SCN1A: variants seen among roughly 807,000 people sequenced by gnomAD.
SCN1A encodes the protein sodium voltage-gated channel alpha subunit 1, also known as sodium channel protein type 1 subunit alpha.
Under a neutral mutation model 193.7 loss-of-function variants are expected in SCN1A, and 13 were observed. The ratio of observed to expected loss-of-function variants is 0.07; its 90% CI spans 0.04 to 0.11. SCN1A has a LOEUF of 0.11. Ranked by LOEUF, SCN1A falls within the 10% of genes least tolerant of loss-of-function variation. SCN1A has a pLI of 1.00. For synonymous variants in SCN1A, 781 were observed against 843.6 expected (o/e 0.93, Z 1.29); for missense variants, 1,432 against 2,451.1 (o/e 0.58, Z 8.78).
Position 166,030,269 on chromosome 2 carries a change from TA to T in SCN1A, c.3429+5778del, listed in dbSNP as rs1438655726. Among the ~76,000 whole-genome samples, 6 of 152,296 alleles carry T rather than the reference TA, an allele frequency of 3.9e-5. No individual in the cohort carries two copies. The South Asian group carries it at 6.2e-4, about 16-fold the overall frequency. ...AGTTTTCCTTTGTTCAAAATATGTTTATTTTTCTCATCTTAAGGCTGGAATA... is the reference window on the plus strand; with the variant it reads ...AGTTTTCCTTTGTTCAAAATATGTTTTTTTTCTCATCTTAAGGCTGGAATA... On this transcript the variant is annotated intron_variant, in intron 19 of 28. Transcript: ENST00000674923.
At chr2:166,098,253 A>C (rs537406295) in intron 2 of SCN1A, among the ~76,000 whole-genome samples, 3 of 152,174 alleles carry the variant, frequency 2.0e-5, no homozygotes, top group Non-Finnish European at 4.4e-5. Context: ...ACATAAACAG[A>C]ACTAAAAACA....
At chr2:166,002,385 T>C in intron 24 of SCN1A, 87 bp downstream of exon 24, 1 of 1,331,228 alleles carries the variant, frequency 7.5e-7, no homozygotes, top group Non-Finnish European at 1.0e-6. Context: ...ATATACTTTT[T>C]CTTAGGAACT....
At chr2:166,002,364 TAGAA>T (rs1691010020) in intron 24 of SCN1A, 104 bp downstream of exon 24, 1 of 1,208,468 alleles carries the variant, frequency 8.3e-7, no homozygotes, top group Non-Finnish European at 1.1e-6. Context: ...ATTTTTTAAA[TAGAA>T]AGAAATATAT....
At chr2:166,145,528 T>TTG (rs10659996) in intron 1 of SCN1A, among the ~76,000 whole-genome samples, 77,124 of 150,196 alleles carry the variant, frequency 0.51, 19,849 homozygotes, top group Middle Eastern at 0.61. Flanking sequence ...GGAGAAAAAT[T>TTG]TGTGTGTGTG....
chr2:166,042,963 C>A (rs577601079), intron 14 of SCN1A, among the ~76,000 whole-genome samples: 10 of 152,148 alleles, frequency 6.6e-5, no homozygotes, highest in Admixed American at 3.3e-4. Flanking sequence ...GGTACCAAAG[C>A]AATAAGTCAT....
chr2:166,085,515 A>G (rs968105096), intron 2 of SCN1A, among the ~76,000 whole-genome samples: 27 of 152,148 alleles, frequency 1.8e-4, no homozygotes, highest in Non-Finnish European at 2.6e-4. Flanking sequence ...CCACCTCAAC[A>G]CAAAGCAAAA....
chr2:166,127,344 G>C (rs1241501758), intron 1 of SCN1A, among the ~76,000 whole-genome samples: 2 of 151,450 alleles, frequency 1.3e-5, no homozygotes, highest in Non-Finnish European at 2.9e-5. Flanking sequence ...AGTTAAAACT[G>C]AGATCTAATT....
rs796052974 is a variant in SCN1A, at chr2:166,046,952, A to G, written c.1195T>C (p.Tyr399His). The G allele has an allele frequency of 6.2e-7, 1 of 1,613,742 alleles. No homozygotes were observed. The highest frequency in any genetic ancestry group is 8.5e-7 in the Non-Finnish European group (1 of 1,179,766). ...ATGACCAATACAAAAAATATCATGT[A>G]CGTTTTCCCAGCAGCACGTAATGTC... ...QLTLRAAGKT[Y>H]MIFFVLVIFL... Residue 399 changes from tyrosine (Y) to histidine (H), a missense_variant, in exon 12 of 29, where the codon TAC (tyrosine) becomes CAC (histidine). By Grantham distance (83) the Tyr-to-His change is moderately conservative. Coordinates refer to ENST00000674923, the MANE Select transcript of SCN1A (RefSeq NM_001165963.4).
At chr2:166,131,026 C>A (rs1691637521), upstream of SCN1A, among the ~76,000 whole-genome samples, 1 of 151,966 alleles carries the variant, frequency 6.6e-6, no homozygotes, top group African/African-American at 2.4e-5. Context: ...TATTTGGCTC[C>A]CAGAATGTAA....
intron 18 of SCN1A, among the ~76,000 whole-genome samples, chr2:166,037,381 C>A (rs888634427): frequency 6.6e-6 from 1 of 152,162 alleles, no homozygotes; most frequent in Non-Finnish European, 1.5e-5. Flanking sequence ...CACTTTCTCT[C>A]TACTTTTTTT....
intron 3 of SCN1A, among the ~76,000 whole-genome samples, chr2:166,073,989 C>T (rs1465220453): frequency 2.0e-5 from 3 of 152,152 alleles, no homozygotes; most frequent in African/African-American, 4.8e-5. Flanking sequence ...GTCTGTGACA[C>T]ACCCAGAAGA....
At chr2:166,075,323 T>C (rs940519554) in intron 3 of SCN1A, 1 of 152,046 alleles carries the variant, frequency 6.6e-6, no homozygotes, top group Non-Finnish European at 1.5e-5. Context: ...CTACTACTAC[T>C]TATCTCCCAT....
Position 166,043,993 on chromosome 2 carries a change from G to C in SCN1A, c.1719C>G (p.Ser573Arg), listed in dbSNP as rs748767737. 6.2e-7 allele frequency: 1 copy of C among 1,614,162 alleles called. No individual in the cohort carries two copies. Among genetic ancestry groups the C allele is most frequent in the Non-Finnish European group, 8.5e-7 (1 of 1,180,020 alleles). ...TTGCTCGCCCTCTAAAGCTGAAAAG[G>C]CTTGTTCTGCTATTTCGCCTTGGTG... ...LFSPRRNSRTSLFSFRGRAKD... is the reference protein window; with the variant it reads ...LFSPRRNSRTRLFSFRGRAKD... Residue 573 changes from serine to arginine, a missense_variant, in exon 14 of 29, where the codon AGC (serine) becomes AGG (arginine). Ser to Arg is a moderately radical substitution (Grantham distance 110). This residue lies in a region of SCN1A where 316 missense variants were observed against 362.1 expected (regional missense o/e 0.87). Coordinates refer to ENST00000674923, the MANE Select transcript of SCN1A (RefSeq NM_001165963.4).
intron 2 of SCN1A, among the ~76,000 whole-genome samples, chr2:166,112,601 C>T (rs915371135): frequency 6.6e-6 from 1 of 152,020 alleles, no homozygotes; most frequent in African/African-American, 2.4e-5. Context: ...GCTCCTATAA[C>T]CCTTGTTATT....
intron 2 of SCN1A, among the ~76,000 whole-genome samples, chr2:166,123,223 C>CAAAAAAAAAAAAAAAAAAAAAAAAAAAAA (rs57488795): frequency 8.6e-6 from 1 of 116,414 alleles, no homozygotes; most frequent in African/African-American, 3.5e-5. Context: ...CATTCATTTG[C>CAAAAAAAAAAAAAAAAAAAAAAAAAAAAA]AAAAAAAAAA....
At chr2:166,066,440 G>A (rs1341820016) in intron 4 of SCN1A, among the ~76,000 whole-genome samples, 1 of 152,010 alleles carries the variant, frequency 6.6e-6, no homozygotes, top group Admixed American at 6.6e-5. Context: ...CCAATCTTAG[G>A]ATTATTTTGA....
At chr2:166,095,983 G>A (rs556164110) in intron 2 of SCN1A, among the ~76,000 whole-genome samples, 2 of 152,054 alleles carry the variant, frequency 1.3e-5, no homozygotes, top group East Asian at 3.9e-4. Context: ...ATGAATAATT[G>A]CAGAAAATTA....
chr2:166,133,381 AC>A (rs1691734520), intron 1 of SCN1A, among the ~76,000 whole-genome samples: 2 of 152,176 alleles, frequency 1.3e-5, no homozygotes, highest in Admixed American at 6.6e-5. Flanking sequence ...ATATTCCTAA[AC>A]CAAATAAGTA....
In SCN1A at chr2:165,986,706, A is replaced by AG. The variant is rs1235137073; in HGVS notation, c.*4538_*4539insC. Reference sequence around the variant, plus strand: ...TTCAGTAACACACAGCAAAAAAAAAAAAAAAATCCTCCCCTTTCTAAAGAC... The same window carrying AG: ...TTCAGTAACACACAGCAAAAAAAAAAGAAAAAATCCTCCCCTTTCTAAAGAC... On this transcript the variant is annotated 3_prime_UTR_variant, in exon 29 of 29. Transcript: ENST00000674923. 1 of 151,238 alleles carries AG rather than the reference A, an allele frequency of 6.6e-6. No homozygotes were observed. Among genetic ancestry groups the AG allele is most frequent in the African/African-American group, 2.4e-5 (1 of 41,206 alleles). 9.4% of individuals were successfully genotyped at this position (151,238 alleles called of 1,614,324 possible).
Sources: allele counts gnomAD v4.1 joint callset (sites outside exome capture counted in the v4.1 genomes callset), GRCh38; gene constraint gnomAD v4.1.1; regional missense constraint gnomAD v4.1.1; transcripts MANE v1.5; gene names NCBI Gene and HGNC (gene_info 2026-07-23, HGNC 2026-07-21).